The following RGS6 variants were observed in gnomAD, a reference collection of about 807,000 sequenced individuals.
RGS6 encodes the protein regulator of G-protein signaling 6.
A neutral mutation model predicts 78.5 loss-of-function variants in RGS6; 30 were observed. The observed-to-expected ratio is 0.38, with a 90% confidence interval of 0.29 to 0.52. The LOEUF (loss-of-function observed/expected upper bound fraction) is 0.52, where lower values mean the gene tolerates loss of function less well. RGS6 is among the 20% of genes least tolerant of loss of function. The pLI, the probability that RGS6 is intolerant of heterozygous loss-of-function variation, is 0.85. For synonymous variants in RGS6, 206 were observed against 206.0 expected (o/e 1.00, Z 0.00); for missense variants, 495 against 609.7 (o/e 0.81, Z 1.98).
At chr14:72,600,570 GACACACACACACACAC>G in the RGS6 span, among the ~76,000 whole-genome samples, 1 of 148,534 alleles carries the variant, frequency 6.7e-6, no homozygotes, top group Non-Finnish European at 1.5e-5. Flanking sequence ...AAGCCAGGCA[GACACACACACACACAC>G]ACACACACAC....
At chr14:72,558,247 C>T (rs982318636) in intron 17 of RGS6, among the ~76,000 whole-genome samples, 1 of 152,114 alleles carries the variant, frequency 6.6e-6, no homozygotes, top group African/African-American at 2.4e-5. Flanking sequence ...TTCATCTGAG[C>T]AGATCAGCAA....
chr14:72,456,164 G>A (rs2095624439), intron 4 of RGS6, among the ~76,000 whole-genome samples: 1 of 152,216 alleles, frequency 6.6e-6, no homozygotes, highest in Non-Finnish European at 1.5e-5. Context: ...CTGAGGAGAA[G>A]CTAAGAACCA....
Position 72,471,216 on chromosome 14 carries a change from A to G in RGS6, c.536+1133A>G, listed in dbSNP as rs548824019. ...GAAAAAAGTTGGAAGGGTTTTTCCC[A>G]GATTTTTTTCTCCTGGATACATAGT... On this transcript the variant is annotated intron_variant, in intron 8 of 17. Transcript: ENST00000553525. Among the ~76,000 whole-genome samples, 5 of 152,318 alleles carry G rather than the reference A, an allele frequency of 3.3e-5. No homozygotes were observed. In the East Asian group the frequency reaches 9.6e-4, roughly 29 times the overall value.
intron 2 of RGS6, among the ~76,000 whole-genome samples, chr14:72,125,819 A>G (rs144137895): frequency 1.3e-5 from 2 of 152,238 alleles, no homozygotes; most frequent in African/African-American, 4.8e-5. Context: ...AAAGTCAACC[A>G]ACAGACATTC....
At chr14:72,165,791 T>G (rs2096916994) in intron 2 of RGS6, among the ~76,000 whole-genome samples, 1 of 152,124 alleles carries the variant, frequency 6.6e-6, no homozygotes, top group Non-Finnish European at 1.5e-5. Context: ...TGTGCCTGTT[T>G]CTCCAGAACT....
chr14:72,508,920 G>T (rs1166970680), intron 13 of RGS6, among the ~76,000 whole-genome samples: 1 of 152,040 alleles, frequency 6.6e-6, no homozygotes, highest in Non-Finnish European at 1.5e-5. Flanking sequence ...AAAGGGCCAA[G>T]GACATAAATA....
intron 3 of RGS6, among the ~76,000 whole-genome samples, chr14:72,371,856 C>CCT (rs1469400547): frequency 2.0e-5 from 3 of 152,196 alleles, no homozygotes; most frequent in Non-Finnish European, 4.4e-5. Context: ...CCCGGGATCA[C>CCT]TGACTCTTTT....
intron 13 of RGS6, among the ~76,000 whole-genome samples, chr14:72,499,999 T>C (rs1266837192): frequency 6.6e-6 from 1 of 152,234 alleles, no homozygotes; most frequent in African/African-American, 2.4e-5. Context: ...GATCGTTTCA[T>C]TGGTATTTGG....
At chr14:72,330,255 G>T (rs1432345023) in intron 2 of RGS6, among the ~76,000 whole-genome samples, 1 of 152,250 alleles carries the variant, frequency 6.6e-6, no homozygotes, top group Non-Finnish European at 1.5e-5. Flanking sequence ...TGCCCACTGA[G>T]TGTGTGTAAC....
At chr14:72,487,022 C>T (rs192556397) in intron 12 of RGS6, among the ~76,000 whole-genome samples, 2 of 152,226 alleles carry the variant, frequency 1.3e-5, no homozygotes, top group East Asian at 3.9e-4. Flanking sequence ...GATCACCCTC[C>T]CCTCCCACCA....
chr14:72,512,910 A>G (rs1014465180), intron 14 of RGS6, among the ~76,000 whole-genome samples: 1 of 152,218 alleles, frequency 6.6e-6, no homozygotes, highest in Non-Finnish European at 1.5e-5. Flanking sequence ...GTGGCCAGGC[A>G]TGGCTATACA....
At chr14:72,278,648 T>C (rs1371585874) in intron 2 of RGS6, among the ~76,000 whole-genome samples, 1 of 152,196 alleles carries the variant, frequency 6.6e-6, no homozygotes, top group Non-Finnish European at 1.5e-5. Flanking sequence ...AATACGGAAT[T>C]TGTTACAGGA....
upstream of RGS6, among the ~76,000 whole-genome samples, chr14:71,927,432 G>A (rs187113374): frequency 3.3e-5 from 5 of 152,042 alleles, no homozygotes; most frequent in African/African-American, 9.6e-5. Flanking sequence ...ACTTCACATT[G>A]CAAAGAGAAA....
chr14:72,471,143 A>G (rs1173130113), intron 8 of RGS6, among the ~76,000 whole-genome samples: 2 of 151,858 alleles, frequency 1.3e-5, no homozygotes, highest in East Asian at 3.8e-4. Context: ...CAAGTCTACC[A>G]ATTAGTTAAG....
chr14:72,283,623 T>C (rs2061965622), intron 2 of RGS6, among the ~76,000 whole-genome samples: 1 of 152,250 alleles, frequency 6.6e-6, no homozygotes, highest in South Asian at 2.1e-4. Context: ...CCCAGCCATG[T>C]GGAACTGTGT....
chr14:72,604,090 G>T, the RGS6 span, among the ~76,000 whole-genome samples: 4 of 152,150 alleles, frequency 2.6e-5, no homozygotes, highest in Non-Finnish European at 5.9e-5. Flanking sequence ...GAAGATCTCA[G>T]GCTCTTTTCT....
intron 2 of RGS6, among the ~76,000 whole-genome samples, chr14:72,014,379 G>A (rs944412050): frequency 2.4e-4 from 37 of 152,244 alleles, no homozygotes; most frequent in East Asian, 5.8e-4. Context: ...AAACATTTCC[G>A]GAATCCTTTA....
At chr14:72,309,148 T>C (rs1394041529) in intron 2 of RGS6, among the ~76,000 whole-genome samples, 1 of 152,180 alleles carries the variant, frequency 6.6e-6, no homozygotes, top group Non-Finnish European at 1.5e-5. Flanking sequence ...AAGCATTTCA[T>C]GTGGAACCGG....
intron 2 of RGS6, among the ~76,000 whole-genome samples, chr14:72,235,727 G>C (rs1156469430): frequency 6.6e-6 from 1 of 152,196 alleles, no homozygotes; most frequent in East Asian, 1.9e-4. Flanking sequence ...TGTGCTAGTT[G>C]ATAACAGCTT....
Sources: gnomAD v4.1 joint callset for allele counts (sites outside exome capture counted in the v4.1 genomes callset) on GRCh38, gnomAD v4.1.1 for gene constraint, MANE v1.5 for transcripts, NCBI Gene and HGNC (gene_info 2026-07-23, HGNC 2026-07-21) for gene names.